SRPK2: variants seen among roughly 807,000 people sequenced by gnomAD.
SRPK2 encodes SFRS protein kinase 2.
A neutral mutation model predicts 90.8 loss-of-function variants in SRPK2; 21 were observed. The ratio of observed to expected loss-of-function variants is 0.23; its 90% confidence interval spans 0.16 to 0.33. The LOEUF is 0.33. Ranked by LOEUF, SRPK2 falls within the 10% of genes least tolerant of loss-of-function variation. The pLI is 1.00. For missense variants in SRPK2, 620 were observed against 869.0 expected (o/e 0.71, Z 3.60); for synonymous variants, 288 against 311.1 (o/e 0.93, Z 0.78).
intron 2 of SRPK2, among the ~76,000 whole-genome samples, chr7:105,317,367 G>C (rs1354780467): frequency 6.6e-6 from 1 of 152,294 alleles, no homozygotes; most frequent in East Asian, 1.9e-4. Flanking sequence ...ATGTTGAGTT[G>C]ACAGCGTTTT....
At chr7:105,328,340 T>G (rs1585726791) in intron 2 of SRPK2, among the ~76,000 whole-genome samples, 1 of 151,218 alleles carries the variant, frequency 6.6e-6, no homozygotes, top group Admixed American at 6.6e-5. Flanking sequence ...GGCGGGTGGG[T>G]CACTTGAAGT....
chr7:105,312,191 C>T (rs976700629), intron 2 of SRPK2, among the ~76,000 whole-genome samples: 8 of 152,078 alleles, frequency 5.3e-5, no homozygotes, highest in African/African-American at 1.2e-4. Context: ...CCTGTAATCC[C>T]AGAACTTTGG....
At position 105,336,766 on chromosome 7, in the gene SRPK2, C is replaced by G. The variant is rs1429870623; in HGVS notation, c.71+51882G>C. Among the ~76,000 whole-genome samples the G allele has an allele frequency of 2.0e-5, 3 of 152,150 alleles. No individual in the cohort carries two copies. The East Asian group carries it at 5.8e-4, about 29-fold the overall frequency. ...TAAATCAACTGTAAAAAGGCATTCC[C>G]TACAGTAACTGTGGAAATGTGAACA... On this transcript the variant is annotated intron_variant, in intron 2 of 15. Coordinates refer to ENST00000393651, the MANE Select transcript of SRPK2 (RefSeq NM_182692.3).
intron 2 of SRPK2, among the ~76,000 whole-genome samples, chr7:105,367,759 T>G (rs988535808): frequency 6.6e-6 from 1 of 152,234 alleles, no homozygotes; most frequent in Non-Finnish European, 1.5e-5. Context: ...ACACACATTT[T>G]GTGTACATTT....
intron 13 of SRPK2, among the ~76,000 whole-genome samples, chr7:105,130,831 A>G (rs1584891996): frequency 1.3e-5 from 2 of 151,800 alleles, no homozygotes; most frequent in Non-Finnish European, 2.9e-5. Flanking sequence ...CCTTATGACA[A>G]CCAACTGAAA....
chr7:105,379,376 G>A (rs1050001360), intron 2 of SRPK2, among the ~76,000 whole-genome samples: 1 of 152,136 alleles, frequency 6.6e-6, no homozygotes, highest in Non-Finnish European at 1.5e-5. Context: ...GAGGATGTGT[G>A]AAGGTTACAA....
chr7:105,239,519 T>C lies in SRPK2; in HGVS notation c.72-35734A>G, dbSNP rs568622274. Among the ~76,000 whole-genome samples the C allele has an allele frequency of 2.9e-4, 44 of 152,368 alleles. 1 individual carries two copies. The South Asian group carries it at 9.1e-3, about 32-fold the overall frequency. ...ATAATACATCTTTGTTTTCTCCTCC[T>C]GTAAGTGGGTCAGAGCCCTTACAAA... On this transcript the variant is annotated intron_variant, in intron 2 of 15. Coordinates refer to ENST00000393651, the MANE Select transcript of SRPK2 (RefSeq NM_182692.3).
chr7:105,158,937 C>G (rs1806990335), intron 7 of SRPK2, among the ~76,000 whole-genome samples: 1 of 151,382 alleles, frequency 6.6e-6, no homozygotes, highest in Non-Finnish European at 1.5e-5. Context: ...ATAACCTCTT[C>G]TACATTAAAG....
At chr7:105,248,321 T>A (rs1467125179) in intron 2 of SRPK2, among the ~76,000 whole-genome samples, 1 of 151,522 alleles carries the variant, frequency 6.6e-6, no homozygotes, top group Middle Eastern at 3.2e-3. Flanking sequence ...TTAGGGGTGG[T>A]GGCACAAGTA....
intron 8 of SRPK2, 49 bp from the exon 9 acceptor site, chr7:105,145,357 G>A (rs1236099193): frequency 7.0e-7 from 1 of 1,423,794 alleles, no homozygotes; most frequent in Non-Finnish European, 9.7e-7. Flanking sequence ...ACAGACACAT[G>A]CCTTCATGTA....
intron 2 of SRPK2, among the ~76,000 whole-genome samples, chr7:105,348,737 T>G (rs541114498): frequency 6.6e-6 from 1 of 151,938 alleles, no homozygotes; most frequent in Non-Finnish European, 1.5e-5. Flanking sequence ...TTGAACTATT[T>G]TCTAACCAAA....
At chr7:105,215,272 A>G (rs79731851) in intron 2 of SRPK2, among the ~76,000 whole-genome samples, 89 of 152,338 alleles carry the variant, frequency 5.8e-4, no homozygotes, top group Non-Finnish European at 1.2e-3. Context: ...CATCAGAAAC[A>G]TGAAAAAATC....
At position 105,350,324 on chromosome 7, in the gene SRPK2, G is replaced by T. The variant is rs1265143087; in HGVS notation, c.71+38324C>A. 1.9e-4 allele frequency among the ~76,000 whole-genome samples: 28 copies of T among 150,514 alleles called. No individual in the cohort carries two copies. The Admixed American group carries it at 1.9e-3, about 10-fold the overall frequency. On this transcript the variant is annotated intron_variant, in intron 2 of 15. Transcript: ENST00000393651. ...TTTTTGTATTTTTAGTAGAGACAGG[G>T]TTTCACCATGTTGGCCAGGATGTTC... is the stretch of plus-strand genomic sequence containing the variant.
downstream of SRPK2, chr7:105,115,580 T>C (rs1426739167): frequency 6.6e-6 from 1 of 152,180 alleles, no homozygotes; most frequent in Non-Finnish European, 1.5e-5. Context: ...TAACCAGTGG[T>C]TCTCATTTAG....
chr7:105,118,134 T>TACAGCA (rs1554404916), intron 15 of SRPK2, 112 bp from the exon 16 acceptor site: 2 of 1,023,024 alleles, frequency 2.0e-6, no homozygotes, highest in Non-Finnish European at 2.9e-6. Context: ...TCAACACTTG[T>TACAGCA]ACAGCAACAA....
intron 7 of SRPK2, among the ~76,000 whole-genome samples, chr7:105,148,770 CCCAGCCACTTTGCT>C (rs980611352): frequency 2.4e-4 from 37 of 152,300 alleles, no homozygotes; most frequent in Admixed American, 1.6e-3. Flanking sequence ...GTAGCTTTGC[CCCAGCCACTTTGCT>C]CCAGCCACTT....
In SRPK2 at chr7:105,116,706, G is replaced by C. The variant is rs1799661352; in HGVS notation, c.*1132C>G. 1 of 152,534 alleles carries C rather than the reference G, an allele frequency of 6.6e-6. No individual in the cohort carries two copies. The highest frequency in any genetic ancestry group is 2.1e-4 in the South Asian group (1 of 4,826). 9.4% of individuals were successfully genotyped at this position (152,534 alleles called of 1,614,324 possible). On this transcript the variant is annotated 3_prime_UTR_variant, in exon 16 of 16. Coordinates refer to ENST00000393651, the MANE Select transcript of SRPK2 (RefSeq NM_182692.3). The stretch of plus-strand genomic sequence containing the variant: ...AACAAAACTGTGTGCAACCTGCAAA[G>C]GGAAAATCATTTTCTCAACTTCGTT...
chr7:105,336,315 G>T (rs901835342), intron 2 of SRPK2, among the ~76,000 whole-genome samples: 3 of 152,130 alleles, frequency 2.0e-5, no homozygotes, highest in Non-Finnish European at 2.9e-5. Context: ...CAAAATGGTG[G>T]CTTGACTTTT....
intron 2 of SRPK2, among the ~76,000 whole-genome samples, chr7:105,308,721 T>C (rs754088317): frequency 7.9e-5 from 12 of 152,330 alleles, no homozygotes; most frequent in Middle Eastern, 3.4e-3. Context: ...TATGAGACTA[T>C]TTTACCATTT....
Sources: gnomAD v4.1 joint callset for allele counts (sites outside exome capture counted in the v4.1 genomes callset) on GRCh38, gnomAD v4.1.1 for gene constraint, MANE v1.5 for transcripts, NCBI Gene and HGNC (gene_info 2026-07-23, HGNC 2026-07-21) for gene names.